RCOR1: variants seen among roughly 807,000 people sequenced by gnomAD.
RCOR1 encodes the protein REST corepressor 1, also known as REST corepressor.
Under a neutral mutation model 64.0 loss-of-function variants are expected in RCOR1, and 12 were observed. The ratio of observed to expected loss-of-function variants is 0.19; its 90% confidence interval spans 0.12 to 0.30. The LOEUF is 0.30. RCOR1 is among the 10% of genes least tolerant of loss of function. RCOR1 has a pLI of 1.00. For synonymous variants in RCOR1, 279 were observed against 227.2 expected (o/e 1.23, Z -2.05); for missense variants, 502 against 621.2 (o/e 0.81, Z 2.04).
intron 2 of RCOR1, among the ~76,000 whole-genome samples, chr14:102,607,241 A>G (rs1325265918): frequency 2.0e-5 from 3 of 152,100 alleles, no homozygotes; most frequent in Non-Finnish European, 2.9e-5. Flanking sequence ...CTGAGTAGGC[A>G]TTTTTTAATG....
At chr14:102,601,726 G>A (rs1018498225) in intron 2 of RCOR1, among the ~76,000 whole-genome samples, 12 of 152,182 alleles carry the variant, frequency 7.9e-5, no homozygotes, top group African/African-American at 2.9e-4. Flanking sequence ...GTCATTGGCT[G>A]GGAGCAGCCT....
intron 7 of RCOR1, among the ~76,000 whole-genome samples, chr14:102,711,833 T>C (rs1314021188): frequency 1.3e-5 from 2 of 152,180 alleles, no homozygotes; most frequent in Non-Finnish European, 2.9e-5. Context: ...ATTAAAGTGA[T>C]TTATAATATT....
chr14:102,624,672 A>G (rs1388859841), intron 2 of RCOR1, among the ~76,000 whole-genome samples: 2 of 151,990 alleles, frequency 1.3e-5, no homozygotes, highest in Non-Finnish European at 2.9e-5. Context: ...AGACTGAGGT[A>G]GGAGGAACAC....
intron 2 of RCOR1, among the ~76,000 whole-genome samples, chr14:102,638,265 A>G (rs1245793258): frequency 1.3e-5 from 2 of 152,254 alleles, no homozygotes; most frequent in Admixed American, 6.5e-5. Flanking sequence ...GCAGATTTAA[A>G]GAGGGAGATT....
rs1056172625 is a variant in RCOR1, at chr14:102,681,825, G to A, written c.362-70G>A. 11 of 1,095,898 alleles carry A rather than the reference G, an allele frequency of 1.0e-5. No individual in the cohort carries two copies. In the African/African-American group the frequency reaches 1.2e-4, roughly 12 times the overall value. 67.9% of individuals were successfully genotyped at this position (1,095,898 alleles called of 1,614,324 possible). On this transcript the variant is annotated intron_variant, in intron 2 of 11. Coordinates refer to ENST00000262241, the MANE Select transcript of RCOR1 (RefSeq NM_015156.4). ...AAAAAGGTGGGTGATGTCATTAAAA[G>A]GTATTGTTACTTATAGCTTATTATA...
chr14:102,698,158 T>C (rs1321682118), intron 3 of RCOR1, among the ~76,000 whole-genome samples: 4 of 152,254 alleles, frequency 2.6e-5, no homozygotes, highest in African/African-American at 4.8e-5. Context: ...GTTGTTCCTG[T>C]CACCAGCTGA....
At chr14:102,705,422 AAAAT>A (rs1333209532) in intron 4 of RCOR1, among the ~76,000 whole-genome samples, 1 of 152,164 alleles carries the variant, frequency 6.6e-6, no homozygotes. Context: ...TGTGCAACTT[AAAAT>A]AAATAAAAGC....
intron 2 of RCOR1, among the ~76,000 whole-genome samples, chr14:102,660,300 T>A (rs940711552): frequency 6.6e-6 from 1 of 152,214 alleles, no homozygotes; most frequent in African/African-American, 2.4e-5. Context: ...TGGGTTTTTT[T>A]AAACAACATG....
chr14:102,636,421 G>C (rs1894238976), intron 2 of RCOR1, among the ~76,000 whole-genome samples: 1 of 151,784 alleles, frequency 6.6e-6, no homozygotes, highest in South Asian at 2.1e-4. Flanking sequence ...GGGATTACAG[G>C]TGCCTGCCAC....
At chr14:102,645,377 A>T (rs1894458457) in intron 2 of RCOR1, among the ~76,000 whole-genome samples, 1 of 152,102 alleles carries the variant, frequency 6.6e-6, no homozygotes, top group Non-Finnish European at 1.5e-5. Context: ...TTCTGCCTGG[A>T]AATATCCTTA....
At chr14:102,662,031 G>T (rs1387245352) in intron 2 of RCOR1, among the ~76,000 whole-genome samples, 1 of 152,198 alleles carries the variant, frequency 6.6e-6, no homozygotes, top group Non-Finnish European at 1.5e-5. Flanking sequence ...AAAGTGCTGG[G>T]ATTATAGGCG....
At chr14:102,614,154 C>T (rs1893697307) in intron 2 of RCOR1, among the ~76,000 whole-genome samples, 1 of 151,726 alleles carries the variant, frequency 6.6e-6, no homozygotes, top group African/African-American at 2.4e-5. Context: ...CTTGGCCTCC[C>T]AACGTGCTGG....
At chr14:102,631,391 G>C (rs1208278678) in intron 2 of RCOR1, among the ~76,000 whole-genome samples, 1 of 151,316 alleles carries the variant, frequency 6.6e-6, no homozygotes. Context: ...TTTAAGTAGA[G>C]ACGGGGTTTC....
intron 8 of RCOR1, among the ~76,000 whole-genome samples, chr14:102,718,585 G>C (rs1324880768): frequency 6.6e-6 from 1 of 152,048 alleles, no homozygotes; most frequent in Non-Finnish European, 1.5e-5. Flanking sequence ...CTGAGGGTTG[G>C]GTGGGAGGGT....
intron 2 of RCOR1, among the ~76,000 whole-genome samples, chr14:102,648,975 G>A (rs1894528733): frequency 6.6e-6 from 1 of 151,720 alleles, no homozygotes; most frequent in Admixed American, 6.6e-5. Context: ...ACAACCAATA[G>A]ATAGCCTGAT....
At chr14:102,656,242 C>T (rs1412132259) in intron 2 of RCOR1, 4 of 332,360 alleles carry the variant, frequency 1.2e-5, no homozygotes, top group South Asian at 1.2e-4. Flanking sequence ...CGGGTTCAAG[C>T]GATTCTCCTG....
chr14:102,655,878 G>GGGAGGT (rs1185996101), intron 2 of RCOR1: 1 of 600,728 alleles, frequency 1.7e-6, no homozygotes, highest in Admixed American at 6.3e-5. Flanking sequence ...CCTTGAACCT[G>GGGAGGT]GGAGGTGGAG....
chr14:102,592,979 CGCCGCCGCCTCG>C lies in RCOR1; in HGVS notation c.100_111del (p.Ala34_Ala37del). On this transcript the variant is annotated inframe_deletion, in exon 1 of 12. Coordinates refer to ENST00000262241, the MANE Select transcript of RCOR1 (RefSeq NM_015156.4). ...CCTCCGCCTCCGCCGCCGCCGCCTCCGCCGCCGCCTCGGCCGCCTGCGCCTCGCCAGCCGCCA... is the reference window on the plus strand; with the variant it reads ...CCTCCGCCTCCGCCGCCGCCGCCTCCGCCGCCTGCGCCTCGCCAGCCGCCA... The C allele has an allele frequency of 6.9e-6, 8 of 1,159,540 alleles. No homozygotes were observed. Among genetic ancestry groups the C allele is most frequent in the East Asian group, 9.8e-5 (2 of 20,492 alleles). The allele number at this position is 1,159,540 out of a possible 1,614,324, so 71.8% of individuals were successfully genotyped here.
chr14:102,693,236 C>T (rs755726414), intron 3 of RCOR1, among the ~76,000 whole-genome samples: 6 of 152,110 alleles, frequency 3.9e-5, no homozygotes, highest in African/African-American at 7.2e-5. Context: ...CGGTCACTTA[C>T]GACAATTGGA....
Sources: allele counts gnomAD v4.1 joint callset (sites outside exome capture counted in the v4.1 genomes callset), GRCh38; gene constraint gnomAD v4.1.1; transcripts MANE v1.5; gene names NCBI Gene and HGNC (gene_info 2026-07-23, HGNC 2026-07-21).